The following KCNN2 variants were observed in gnomAD, a reference collection of about 807,000 sequenced individuals.
The protein encoded by KCNN2 is potassium calcium-activated channel subfamily N member 2, also known as small conductance calcium-activated potassium channel protein 2.
KCNN2 carries 24 observed loss-of-function variants against 55.5 expected under a neutral mutation model. That is an observed-to-expected ratio of 0.43 (90% CI 0.31 to 0.61). KCNN2 has a LOEUF of 0.61. Among genes scored for constraint, KCNN2 ranks in the 20% least tolerant of loss-of-function variants. The probability of loss-of-function intolerance (pLI) is 0.08; values close to 1 mark genes in which losing one functional copy is unlikely to be tolerated. For synonymous variants in KCNN2, 431 were observed against 336.1 expected (o/e 1.28, Z -3.09); for missense variants, 754 against 853.6 (o/e 0.88, Z 1.45).
chr5:114,397,137 G>T (rs915505917), intron 2 of KCNN2, among the ~76,000 whole-genome samples: 1 of 152,124 alleles, frequency 6.6e-6, no homozygotes, highest in Admixed American at 6.5e-5. Flanking sequence ...AGGGCATTTA[G>T]GTTGATTTCA....
chr5:114,241,844 A>G (rs1358311019), intron 2 of KCNN2, among the ~76,000 whole-genome samples: 1 of 115,130 alleles, frequency 8.7e-6, no homozygotes, highest in African/African-American at 3.1e-5. Flanking sequence ...ATATATATAT[A>G]TGGAGTGTGA....
chr5:114,268,873 C>T (rs1028254433), intron 2 of KCNN2, among the ~76,000 whole-genome samples: 2 of 151,716 alleles, frequency 1.3e-5, no homozygotes, highest in Admixed American at 1.3e-4. Context: ...TTTTGGTTGT[C>T]AGGCAGCAGG....
At chr5:114,493,681 CATTCTGAA>C (rs1005326304) in intron 7 of KCNN2, among the ~76,000 whole-genome samples, 1 of 152,146 alleles carries the variant, frequency 6.6e-6, no homozygotes, top group African/African-American at 2.4e-5. Flanking sequence ...TATTCAGCCC[CATTCTGAA>C]AACATTCCTA....
At chr5:114,069,280 A>T (rs1475208466) in intron 1 of KCNN2, among the ~76,000 whole-genome samples, 1 of 152,048 alleles carries the variant, frequency 6.6e-6, no homozygotes, top group East Asian at 1.9e-4. Context: ...TCCCTGCCTG[A>T]CTTAGTCTTG....
At chr5:114,151,322 G>A (rs4616883) in intron 1 of KCNN2, among the ~76,000 whole-genome samples, 122,819 of 151,972 alleles carry the variant, frequency 0.81, 50,899 homozygotes, top group East Asian at 0.94. Flanking sequence ...ATGGCAGTGG[G>A]TTGGGGACAG....
chr5:114,148,646 T>G (rs1752453230), intron 1 of KCNN2, among the ~76,000 whole-genome samples: 4 of 151,780 alleles, frequency 2.6e-5, no homozygotes, highest in Admixed American at 2.6e-4. Context: ...ATGAGAGGAA[T>G]GAGAAACAGG....
At chr5:114,493,716 A>G (rs1040056350) in intron 7 of KCNN2, among the ~76,000 whole-genome samples, 1 of 152,202 alleles carries the variant, frequency 6.6e-6, no homozygotes, top group Admixed American at 6.6e-5. Context: ...GTGATTTGGA[A>G]GTACCATAAG....
chr5:114,177,935 A>G (rs1274198940), intron 1 of KCNN2, among the ~76,000 whole-genome samples: 1 of 152,200 alleles, frequency 6.6e-6, no homozygotes, highest in Non-Finnish European at 1.5e-5. Flanking sequence ...AGCATATGTT[A>G]AGACCCAAAT....
chr5:114,280,809 G>T (rs1353781141), intron 2 of KCNN2, among the ~76,000 whole-genome samples: 1 of 152,072 alleles, frequency 6.6e-6, no homozygotes, highest in Non-Finnish European at 1.5e-5. Context: ...AAGCTTTCCA[G>T]GGGGTTATAA....
intron 1 of KCNN2, among the ~76,000 whole-genome samples, chr5:114,083,847 C>T (rs1309142684): frequency 6.6e-6 from 1 of 152,118 alleles, no homozygotes; most frequent in Non-Finnish European, 1.5e-5. Context: ...AGTCATCCCT[C>T]TCTTCCCACT....
chr5:114,141,022 A>G (rs1752268356), intron 1 of KCNN2, among the ~76,000 whole-genome samples: 1 of 151,824 alleles, frequency 6.6e-6, no homozygotes, highest in Non-Finnish European at 1.5e-5. Flanking sequence ...CTCTTGACCT[A>G]GTGATCCACC....
intron 3 of KCNN2, among the ~76,000 whole-genome samples, chr5:114,424,409 C>A (rs141372159): frequency 6.6e-6 from 1 of 152,290 alleles, no homozygotes; most frequent in East Asian, 1.9e-4. Flanking sequence ...CTAAGAGATA[C>A]TATATTTTTA....
At chr5:114,070,374 A>C (rs1288583919) in intron 1 of KCNN2, among the ~76,000 whole-genome samples, 1 of 152,162 alleles carries the variant, frequency 6.6e-6, no homozygotes, top group East Asian at 1.9e-4. Context: ...CCATTACTTA[A>C]TATTTTTTCA....
At chr5:114,361,806 C>G (rs926247648), upstream of KCNN2, among the ~76,000 whole-genome samples, 9 of 152,198 alleles carry the variant, frequency 5.9e-5, no homozygotes, top group Non-Finnish European at 1.2e-4. Context: ...GGCTCTCCAT[C>G]TCCACGCAAT....
chr5:114,313,340 T>C (rs1756442113), intron 2 of KCNN2, among the ~76,000 whole-genome samples: 1 of 152,140 alleles, frequency 6.6e-6, no homozygotes, highest in African/African-American at 2.4e-5. Context: ...CTGAAAATTT[T>C]AATTGAACTC....
chr5:114,196,471 C>G (rs373355745), intron 1 of KCNN2, among the ~76,000 whole-genome samples: 1 of 152,036 alleles, frequency 6.6e-6, no homozygotes, highest in Non-Finnish European at 1.5e-5. Context: ...AATTCACCAA[C>G]AGGCCAAATG....
At chr5:114,401,607 A>T (rs185578127) in intron 2 of KCNN2, among the ~76,000 whole-genome samples, 165 of 152,320 alleles carry the variant, frequency 1.1e-3, no homozygotes, top group African/African-American at 3.8e-3. Flanking sequence ...AGAAGCACAT[A>T]TGAGGATCAT....
intron 2 of KCNN2, among the ~76,000 whole-genome samples, chr5:114,275,998 A>C (rs1441177403): frequency 6.6e-6 from 1 of 152,138 alleles, no homozygotes; most frequent in Non-Finnish European, 1.5e-5. Flanking sequence ...ATAATGCTTT[A>C]AATGTGTCCC....
intron 3 of KCNN2, among the ~76,000 whole-genome samples, chr5:114,457,439 T>G (rs950776137): frequency 8.5e-5 from 13 of 152,192 alleles, no homozygotes; most frequent in Admixed American, 5.9e-4. Flanking sequence ...GTGACTTGCT[T>G]TGTTGAAATA....
Sources: allele counts gnomAD v4.1 joint callset (sites outside exome capture counted in the v4.1 genomes callset), GRCh38; gene constraint gnomAD v4.1.1; transcripts MANE v1.5; gene names NCBI Gene and HGNC (gene_info 2026-07-23, HGNC 2026-07-21).